The following VWDE variants were observed in gnomAD, a reference collection of about 807,000 sequenced individuals.
VWDE encodes the protein von Willebrand factor D and EGF domains.
VWDE carries 207 observed loss-of-function variants against 178.4 expected under a neutral mutation model. That is an observed-to-expected ratio of 1.16 (90% CI 1.04 to 1.30). The LOEUF is 1.30. Ranked by LOEUF, VWDE falls within the 50% of genes most tolerant of loss-of-function variation. VWDE has a pLI of 0.00. For missense variants in VWDE, 2,287 were observed against 1,901.3 expected (o/e 1.20, Z -3.77); for synonymous variants, 738 against 651.4 (o/e 1.13, Z -2.02).
chr7:12,380,172 A>T (rs927303415), intron 5 of VWDE, among the ~76,000 whole-genome samples: 1 of 151,728 alleles, frequency 6.6e-6, no homozygotes, highest in African/African-American at 2.4e-5. Flanking sequence ...TTCTAGAATA[A>T]ACGTATATAA....
In VWDE at chr7:12,331,156, G is replaced by A. The variant is rs1438868032; in HGVS notation, c.*27C>T. ...AAATATTTCCATTCTTAAGATACAG[G>A]CTTGTAATTCATATACTTGATGCTA... On this transcript the variant is annotated 3_prime_UTR_variant, in exon 29 of 29. Coordinates refer to ENST00000275358, the MANE Select transcript of VWDE (RefSeq NM_001135924.3). 3 of 1,527,890 alleles carry A rather than the reference G, an allele frequency of 2.0e-6. No individual in the cohort carries two copies. Among genetic ancestry groups the A allele is most frequent in the South Asian group, 1.2e-5 (1 of 81,008 alleles). The allele number at this position is 1,527,890 out of a possible 1,614,324, so 94.6% of individuals were successfully genotyped here.
At chr7:12,380,770 T>TA (rs1783814125) in intron 4 of VWDE, 37 bp from the exon 5 acceptor site, 2 of 1,547,110 alleles carry the variant, frequency 1.3e-6, no homozygotes. Context: ...CTGGGAATCT[T>TA]AGACAATGGA....
At chr7:12,370,942 A>T (rs1783163982) in intron 10 of VWDE, 78 bp from the exon 11 acceptor site, 1 of 1,101,486 alleles carries the variant, frequency 9.1e-7, no homozygotes, top group Non-Finnish European at 1.2e-6. Flanking sequence ...TCTATTATTT[A>T]AAAAATAAGA....
intron 1 of VWDE, 91 bp downstream of exon 1, chr7:12,403,568 T>TC: frequency 7.9e-7 from 1 of 1,270,056 alleles, no homozygotes. Flanking sequence ...ACAGGGACGC[T>TC]CCCCAAGTCG....
chr7:12,362,441 A>C (rs1044524078), intron 13 of VWDE, among the ~76,000 whole-genome samples: 4 of 152,124 alleles, frequency 2.6e-5, no homozygotes, highest in African/African-American at 9.7e-5. Context: ...TTAATAACTC[A>C]GTGACACATT....
Position 12,344,456 on chromosome 7 carries a change from A to G in VWDE, c.3900T>C (p.Tyr1300=). The G allele has an allele frequency of 6.5e-7, 1 of 1,549,226 alleles. No individual in the cohort carries two copies. The highest frequency in any genetic ancestry group is 8.7e-7 in the Non-Finnish European group (1 of 1,146,072). ...TSGNAFTICK[Y]PCGKSRECVA... ...CACACTCCCTACTTTTTCCACATGG[A>G]TATTTACAAATGGCTAAAAAAAAAT... Residue 1300 remains tyrosine (Y), a synonymous_variant, in exon 20 of 29, where the codon TAT becomes TAC. Coordinates refer to ENST00000275358, the MANE Select transcript of VWDE (RefSeq NM_001135924.3).
intron 1 of VWDE, among the ~76,000 whole-genome samples, chr7:12,398,858 T>C (rs929640925): frequency 6.6e-6 from 1 of 151,786 alleles, no homozygotes; most frequent in South Asian, 2.1e-4. Context: ...CCCACAGACA[T>C]AAAGATGGGA....
At chr7:12,377,647 G>T in intron 7 of VWDE, 129 bp downstream of exon 7, 1 of 496,084 alleles carries the variant, frequency 2.0e-6, no homozygotes, top group Non-Finnish European at 3.2e-6. Context: ...AATATGATTG[G>T]GCTAAAATTT....
At chr7:12,385,957 G>A (rs965773282) in intron 3 of VWDE, among the ~76,000 whole-genome samples, 6 of 152,068 alleles carry the variant, frequency 3.9e-5, no homozygotes, top group Non-Finnish European at 8.8e-5. Flanking sequence ...AAATTTGGAA[G>A]GGATGTCATA....
In VWDE at chr7:12,344,375, A is replaced by G. The variant is rs1781491789; in HGVS notation, c.3981T>C (p.Thr1327=). ...KPGYIGSNCQ[T]ALCDPDCKNH... ...AAACTAATGAATGATGTTACCTACCAGTTTGGCAGTTAGAACCAATGTAAC... is the reference window on the plus strand; with the variant it reads ...AAACTAATGAATGATGTTACCTACCGGTTTGGCAGTTAGAACCAATGTAAC... The change falls in exon 20 of 29, where the codon ACT becomes ACC. Residue 1327 remains threonine, a splice_region_variant and synonymous_variant. Coordinates refer to ENST00000275358, the MANE Select transcript of VWDE (RefSeq NM_001135924.3). 3 of 1,550,784 alleles carry G rather than the reference A, an allele frequency of 1.9e-6. No individual in the cohort carries two copies. In the East Asian group the frequency reaches 7.3e-5, roughly 38 times the overall value.
chr7:12,371,352 G>A (rs982116172), intron 10 of VWDE, among the ~76,000 whole-genome samples: 3 of 152,062 alleles, frequency 2.0e-5, no homozygotes, highest in Non-Finnish European at 4.4e-5. Context: ...TAACTAGAAG[G>A]TAGCTTGGGG....
At chr7:12,390,583 T>C (rs1784340145) in intron 2 of VWDE, among the ~76,000 whole-genome samples, 1 of 151,502 alleles carries the variant, frequency 6.6e-6, no homozygotes, top group South Asian at 2.1e-4. Flanking sequence ...ATAATAAAAT[T>C]ATATGTAAAT....
At chr7:12,358,565 C>G (rs79177704) in intron 16 of VWDE, among the ~76,000 whole-genome samples, 3,698 of 152,194 alleles carry the variant, frequency 0.024, 146 homozygotes, top group African/African-American at 0.084. Flanking sequence ...CTTGCATCCA[C>G]AAAGCACTAA....
intron 9 of VWDE, 139 bp downstream of exon 9, chr7:12,374,550 T>C: frequency 1.7e-6 from 1 of 572,172 alleles, no homozygotes; most frequent in Non-Finnish European, 3.0e-6. Context: ...AACTAGTATC[T>C]TGAAACAAGC....
In VWDE at chr7:12,356,159, T is replaced by C; in HGVS notation, c.3697A>G (p.Ile1233Val). ...CAGGAATAACTGTGAAAACCACTAA[T>C]ATAGCTGCCAAGACCACAAGGGTTG... ...QSNPCGLGSY[I>V]SGFHSYSCDC... Residue 1233 changes from isoleucine to valine, a missense_variant, in exon 18 of 29, where the codon ATT (isoleucine) becomes GTT (valine). Coordinates refer to ENST00000275358, the MANE Select transcript of VWDE (RefSeq NM_001135924.3). 1 of 1,551,584 alleles carries C rather than the reference T, an allele frequency of 6.4e-7. No individual in the cohort carries two copies. Among genetic ancestry groups the C allele is most frequent in the Non-Finnish European group, 8.7e-7 (1 of 1,146,990 alleles).
chr7:12,396,483 T>G (rs1784631765), intron 1 of VWDE, among the ~76,000 whole-genome samples: 1 of 152,206 alleles, frequency 6.6e-6, no homozygotes, highest in Admixed American at 6.5e-5. Context: ...ATCTTATAAC[T>G]TCTTCAAAGA....
rs1473804908 is a variant in VWDE at position 12,370,413 on chromosome 7, C to T, written c.1893G>A (p.Ala631=). ...TGTCCAGATCTTCGGAAGACGGATACGCTGCAGTGTCCAATGAACAGCTAC... is the reference window on the plus strand; with the variant it reads ...TGTCCAGATCTTCGGAAGACGGATATGCTGCAGTGTCCAATGAACAGCTAC... ...SYCSCSLDTA[A]YPSSEDLDSV... Residue 631 remains alanine, a synonymous_variant, in exon 12 of 29, where the codon GCG becomes GCA. Coordinates refer to ENST00000275358, the MANE Select transcript of VWDE (RefSeq NM_001135924.3). 3.9e-6 allele frequency: 6 copies of T among 1,547,158 alleles called. No homozygotes were observed. The highest frequency in any genetic ancestry group is 5.2e-6 in the Non-Finnish European group (6 of 1,146,788).
intron 19 of VWDE, among the ~76,000 whole-genome samples, chr7:12,346,636 A>G (rs939584222): frequency 6.6e-6 from 1 of 151,770 alleles, no homozygotes; most frequent in Non-Finnish European, 1.5e-5. Context: ...GGGGATCATT[A>G]TTTATTTCAC....
At position 12,342,124 on chromosome 7, in the gene VWDE, C is replaced by T. The variant is rs1167244250; in HGVS notation, c.4205G>A (p.Gly1402Asp). The change falls in exon 23 of 29, where the codon GGC (glycine) becomes GAC (aspartate). Residue 1402 changes from glycine to aspartate, a missense_variant. Physicochemically the swap from Gly to Asp is moderately conservative, Grantham distance 94. Coordinates refer to ENST00000275358, the MANE Select transcript of VWDE (RefSeq NM_001135924.3). The part of the protein sequence containing the change: ...MVCNRHCENG[G>D]QCLTPDICQC... Reference sequence around the variant, plus strand: ...GCAAATATCTGGTGTAAGACACTGGCCTCCATTTTCACAGTGCCTGTTACA... The same window carrying T: ...GCAAATATCTGGTGTAAGACACTGGTCTCCATTTTCACAGTGCCTGTTACA... 1 of 1,551,422 alleles carries T rather than the reference C, an allele frequency of 6.4e-7. No homozygotes were observed. Among genetic ancestry groups the T allele is most frequent in the Admixed American group, 2.0e-5 (1 of 50,996 alleles).
Sources: allele counts gnomAD v4.1 joint callset (sites outside exome capture counted in the v4.1 genomes callset), GRCh38; gene constraint gnomAD v4.1.1; transcripts MANE v1.5; gene names NCBI Gene and HGNC (gene_info 2026-07-23, HGNC 2026-07-21).